The following NVL variants were observed in gnomAD, a reference collection of about 807,000 sequenced individuals.
NVL encodes nuclear valosin-containing protein-like.
NVL carries 84 observed loss-of-function variants against 110.2 expected under a neutral mutation model. That is an observed-to-expected ratio of 0.76 (90% CI 0.64 to 0.91). The LOEUF is 0.91. Ranked by LOEUF, NVL falls within the 40% of genes least tolerant of loss-of-function variation. The probability of loss-of-function intolerance (pLI) is 0.00; values close to 1 mark genes in which losing one functional copy is unlikely to be tolerated. For missense variants in NVL, 882 were observed against 1,035.9 expected (o/e 0.85, Z 2.04); for synonymous variants, 354 against 361.1 (o/e 0.98, Z 0.22).
chr1:224,317,388 G>A, intron 4 of NVL, among the ~76,000 whole-genome samples: 1 of 152,042 alleles, frequency 6.6e-6, no homozygotes, highest in East Asian at 1.9e-4. Context: ...TAGAAGCTAA[G>A]GAAACATTTA....
At chr1:224,275,261 A>G in intron 17 of NVL, 78 bp downstream of exon 17, 2 of 1,554,282 alleles carry the variant, frequency 1.3e-6, no homozygotes, top group South Asian at 2.3e-5. Context: ...ATGACTTCAT[A>G]AGAAATACCT....
chr1:224,282,568 A>G (rs1040406306), intron 15 of NVL, among the ~76,000 whole-genome samples: 4 of 152,342 alleles, frequency 2.6e-5, no homozygotes, highest in African/African-American at 7.2e-5. Flanking sequence ...TCTAAGAATT[A>G]CAATCTGAAT....
chr1:224,259,347 T>G (rs1356117253), intron 18 of NVL, among the ~76,000 whole-genome samples: 3 of 152,134 alleles, frequency 2.0e-5, no homozygotes, highest in Non-Finnish European at 2.9e-5. Context: ...CGCCTCAGCC[T>G]CCCAAAGTGC....
chr1:224,288,021 A>T, intron 13 of NVL, 28 bp from the exon 14 acceptor site: 2 of 1,547,892 alleles, frequency 1.3e-6, no homozygotes, highest in Non-Finnish European at 1.8e-6. Context: ...AGGGGAAAAA[A>T]ATAAAGAAAC....
chr1:224,268,001 A>G lies in NVL; in HGVS notation c.2182+33T>C, dbSNP rs992280393. 13 of 1,430,606 alleles carry G rather than the reference A, an allele frequency of 9.1e-6. No homozygotes were observed. In the Admixed American group the frequency reaches 1.6e-4, roughly 18 times the overall value. The allele number at this position is 1,430,606 out of a possible 1,614,324, so 88.6% of individuals were successfully genotyped here. On this transcript the variant is annotated intron_variant, in intron 18 of 22. Transcript: ENST00000281701. ...CTACGGAAATGCTGTAAGTTTTTAG[A>G]TTCATCTGTGTTACAATATTTTTAT...
At chr1:224,328,371 G>T (rs2404858) in intron 1 of NVL, among the ~76,000 whole-genome samples, 140,275 of 151,820 alleles carry the variant, frequency 0.92, 64,970 homozygotes, top group Middle Eastern at 0.98. Context: ...AATACAAAAA[G>T]TAGCCAGGCG....
Position 224,294,345 on chromosome 1 carries a change from A to C in NVL, c.1247T>G (p.Leu416Ter), listed in dbSNP as rs201713614. ...TCCCGCACGTCTCAAAGCAGGGTCT[A>C]ACGAGTCTGGTCGATTAGTAGCTCC... is the stretch of plus-strand genomic sequence containing the variant. ...VIGATNRPDS[L>*]DPALRRAGRF... is the part of the protein sequence containing the mutation. Residue 416 changes from leucine to a stop codon, truncating the protein, a stop_gained, in exon 12 of 23, where the codon TTA (leucine) becomes TGA (stop). Transcript: ENST00000281701. LOFTEE classifies it high-confidence loss of function. The C allele has an allele frequency of 4.4e-5, 71 of 1,614,054 alleles. No homozygotes were observed. The highest frequency in any genetic ancestry group is 5.9e-5 in the Non-Finnish European group (70 of 1,180,030).
Position 224,294,280 on chromosome 1 carries a change from C to T in NVL, c.1312G>A (p.Ala438Thr). ...REICLGIPDE[A>T]SRERILQTLC... is the part of the protein sequence containing the mutation. ...ATAAGAATATACCTTTCCCTGGATG[C>T]TTCATCTGGGATACCTAGGCATATT... The change falls in exon 12 of 23, where the codon GCA (alanine) becomes ACA (threonine). Residue 438 changes from alanine to threonine, a missense_variant. Around this residue, in one of 4 missense-constraint regions of NVL, gnomAD observed 416 missense variants for 499.3 expected, o/e 0.83. Transcript: ENST00000281701. 1.2e-6 allele frequency: 2 copies of T among 1,614,142 alleles called. No individual in the cohort carries two copies. The highest frequency in any genetic ancestry group is 8.5e-7 in the Non-Finnish European group (1 of 1,180,030).
chr1:224,300,310 G>T (rs901217036), intron 10 of NVL, among the ~76,000 whole-genome samples: 1 of 152,080 alleles, frequency 6.6e-6, no homozygotes, highest in Non-Finnish European at 1.5e-5. Flanking sequence ...TGACTACAGG[G>T]TATGACGGCC....
intron 17 of NVL, among the ~76,000 whole-genome samples, chr1:224,269,482 C>G (rs978410876): frequency 1.3e-5 from 2 of 152,166 alleles, no homozygotes; most frequent in African/African-American, 4.8e-5. Context: ...ACAAGAGTAT[C>G]TGGGACACTG....
At chr1:224,316,954 A>G (rs1572055434) in intron 4 of NVL, among the ~76,000 whole-genome samples, 1 of 152,108 alleles carries the variant, frequency 6.6e-6, no homozygotes, top group East Asian at 1.9e-4. Flanking sequence ...CCTGGCCAAC[A>G]TGGTGAAACC....
intron 11 of NVL, 104 bp from the exon 12 acceptor site, chr1:224,294,515 G>A (rs918867765): frequency 1.8e-5 from 20 of 1,127,518 alleles, no homozygotes; most frequent in African/African-American, 1.2e-4. Flanking sequence ...TACAGATTTT[G>A]ACAGCAACAT....
At chr1:224,317,563 A>G in intron 4 of NVL, 131 bp downstream of exon 4, 3 of 617,798 alleles carry the variant, frequency 4.9e-6, no homozygotes, top group East Asian at 2.7e-5. Flanking sequence ...AACATTCAAT[A>G]TGGCTGAAGA....
intron 12 of NVL, 82 bp from the exon 13 acceptor site, chr1:224,289,815 C>T (rs1667207438): frequency 2.2e-6 from 3 of 1,371,514 alleles, no homozygotes; most frequent in Non-Finnish European, 2.9e-6. Flanking sequence ...ATTTGAAGTC[C>T]TTCACGTCTG....
intron 20 of NVL, among the ~76,000 whole-genome samples, chr1:224,234,820 G>A (rs1660288223): frequency 6.6e-6 from 1 of 152,076 alleles, no homozygotes; most frequent in African/African-American, 2.4e-5. Flanking sequence ...AATCCAAAAT[G>A]TACACCATTC....
chr1:224,320,796 C>T (rs889322468), intron 2 of NVL, among the ~76,000 whole-genome samples: 1 of 152,160 alleles, frequency 6.6e-6, no homozygotes, highest in Non-Finnish European at 1.5e-5. Flanking sequence ...ATGACAGACA[C>T]GTGCCAGCAC....
At chr1:224,228,923 T>TTA (rs1558224096) in intron 22 of NVL, among the ~76,000 whole-genome samples, 11 of 1,388 alleles carry the variant, frequency 7.9e-3, no homozygotes, top group Non-Finnish European at 0.013. Flanking sequence ...AGACTCCGTC[T>TTA]CAAAAAAAAA....
At position 224,276,606 on chromosome 1, in the gene NVL, C is replaced by T. The variant is rs1665784790; in HGVS notation, c.1963-1148G>A. Among the ~76,000 whole-genome samples, 4 of 152,172 alleles carry T rather than the reference C, an allele frequency of 2.6e-5. No homozygotes were observed. The South Asian group carries it at 8.3e-4, about 32-fold the overall frequency. ...ATATGGCCATACTAAATAATCAAGGCAAAGAGTACCACAGACGACAGAGAT... is the reference window on the plus strand; with the variant it reads ...ATATGGCCATACTAAATAATCAAGGTAAAGAGTACCACAGACGACAGAGAT... On this transcript the variant is annotated intron_variant, in intron 16 of 22. Transcript: ENST00000281701.
At chr1:224,311,921 C>A (rs540637328) in intron 4 of NVL, 64 bp from the exon 5 acceptor site, 2 of 1,243,396 alleles carry the variant, frequency 1.6e-6, no homozygotes, top group Admixed American at 1.8e-5. Flanking sequence ...AAAATGACTA[C>A]CCAAAACAAG....
Sources: gnomAD v4.1 joint callset for allele counts (sites outside exome capture counted in the v4.1 genomes callset) on GRCh38, gnomAD v4.1.1 for gene constraint, gnomAD v4.1.1 regional missense constraint, MANE v1.5 for transcripts, NCBI Gene and HGNC (gene_info 2026-07-23, HGNC 2026-07-21) for gene names.